RABGAP1L: variants seen among roughly 807,000 people sequenced by gnomAD.
RABGAP1L encodes the protein RAB GTPase activating protein 1 like, also known as rab GTPase-activating protein 1-like.
A neutral mutation model predicts 137.7 loss-of-function variants in RABGAP1L; 63 were observed. The observed-to-expected ratio is 0.46, with a 90% CI of 0.37 to 0.56. RABGAP1L has a LOEUF of 0.56. Ranked by LOEUF, RABGAP1L falls within the 20% of genes least tolerant of loss-of-function variation. The pLI, the probability that RABGAP1L is intolerant of heterozygous loss-of-function variation, is 0.00. For missense variants in RABGAP1L, 1,095 were observed against 1,244.0 expected, an observed-to-expected ratio of 0.88 and a Z score of 1.80; for synonymous variants, 431 against 433.7, an observed-to-expected ratio of 0.99 and a Z score of 0.08.
chr1:174,193,476 G>A (rs1194274159), intron 1 of RABGAP1L, among the ~76,000 whole-genome samples: 1 of 152,016 alleles, frequency 6.6e-6, no homozygotes, highest in Non-Finnish European at 1.5e-5. Context: ...AGGTTGCAGT[G>A]AGTCGAGATC....
rs988437852 is a variant in RABGAP1L, at chr1:174,319,516, A to G, written c.1465+14389A>G. The stretch of plus-strand genomic sequence containing the variant: ...AGACAGTTTTATTTCTTCCTTCTCA[A>G]TCTGCATAGCTTTCATTTTATTTTC... On this transcript the variant is annotated intron_variant, in intron 11 of 25. Transcript: ENST00000681986. 2.0e-5 allele frequency among the ~76,000 whole-genome samples: 3 copies of G among 152,196 alleles called. 1 individual carries two copies. Among genetic ancestry groups the G allele is most frequent in the South Asian group, 4.2e-4 (2 of 4,810 alleles).
At chr1:174,470,822 A>C (rs1008951843) in intron 13 of RABGAP1L, among the ~76,000 whole-genome samples, 6 of 152,182 alleles carry the variant, frequency 3.9e-5, no homozygotes, top group African/African-American at 1.4e-4. Context: ...GTTAGAGAAC[A>C]GACCATACCA....
intron 14 of RABGAP1L, among the ~76,000 whole-genome samples, chr1:174,681,383 C>G (rs923536312): frequency 2.0e-5 from 3 of 152,078 alleles, no homozygotes; most frequent in African/African-American, 7.2e-5. Flanking sequence ...AATGAACTAC[C>G]GATGCACACA....
At chr1:174,420,537 G>A (rs1268639359) in intron 13 of RABGAP1L, among the ~76,000 whole-genome samples, 1 of 152,046 alleles carries the variant, frequency 6.6e-6, no homozygotes, top group South Asian at 2.1e-4. Flanking sequence ...CTTTTTAAAT[G>A]ACATTCATCA....
chr1:174,496,792 T>C lies in RABGAP1L; in HGVS notation c.1710+102647T>C, dbSNP rs183977576. On this transcript the variant is annotated intron_variant, in intron 13 of 25. Coordinates refer to ENST00000681986, the MANE Select transcript of RABGAP1L (RefSeq NM_001366446.1). ...AGAGTAGAGAGATTCCTTAAAGAAG[T>C]TGGACTTTTTATGGAAAGATTGTTT... 2.6e-5 allele frequency among the ~76,000 whole-genome samples: 4 copies of C among 152,230 alleles called. No homozygotes were observed. The South Asian group carries it at 8.3e-4, about 32-fold the overall frequency.
At chr1:174,681,952 G>A (rs1678094781) in intron 14 of RABGAP1L, among the ~76,000 whole-genome samples, 1 of 152,088 alleles carries the variant, frequency 6.6e-6, no homozygotes, top group African/African-American at 2.4e-5. Context: ...TACATATCCT[G>A]GATTTCAGTA....
intron 19 of RABGAP1L, among the ~76,000 whole-genome samples, chr1:174,838,942 A>T (rs1014241460): frequency 1.6e-4 from 23 of 147,498 alleles, no homozygotes; most frequent in Middle Eastern, 3.5e-3. Context: ...AAAAAAAAAA[A>T]AAAAAAAAAA....
intron 13 of RABGAP1L, among the ~76,000 whole-genome samples, chr1:174,474,883 G>A (rs184669504): frequency 2.0e-5 from 3 of 152,214 alleles, no homozygotes; most frequent in East Asian, 1.9e-4. Context: ...TTACAGGCGT[G>A]AGCCACTGCG....
In RABGAP1L at chr1:174,383,235, G is replaced by C. The variant is rs564771681; in HGVS notation, c.1560-10760G>C. 2.7e-5 allele frequency among the ~76,000 whole-genome samples: 4 copies of C among 150,316 alleles called. No individual in the cohort carries two copies. In the South Asian group the frequency reaches 8.5e-4, roughly 32 times the overall value. On this transcript the variant is annotated intron_variant, in intron 12 of 25. Coordinates refer to ENST00000681986, the MANE Select transcript of RABGAP1L (RefSeq NM_001366446.1). ...ATTTAAGTCTGCAGAGGTTACTGCT[G>C]TCTTTTTGTTTGTCTGTGCCCTGCC... is the stretch of plus-strand genomic sequence containing the variant.
At chr1:174,542,100 G>C (rs1218937977) in intron 13 of RABGAP1L, among the ~76,000 whole-genome samples, 1 of 152,266 alleles carries the variant, frequency 6.6e-6, no homozygotes, top group Non-Finnish European at 1.5e-5. Context: ...GGATGATGCT[G>C]GCCTCATAAA....
chr1:174,551,019 T>TACACAC (rs200554387), intron 13 of RABGAP1L, among the ~76,000 whole-genome samples: 8 of 116,006 alleles, frequency 6.9e-5, no homozygotes, highest in East Asian at 2.2e-4. Flanking sequence ...TATATATATA[T>TACACAC]ATACATACAC....
intron 13 of RABGAP1L, among the ~76,000 whole-genome samples, chr1:174,580,744 A>G (rs1668683105): frequency 6.6e-6 from 1 of 152,208 alleles, no homozygotes; most frequent in African/African-American, 2.4e-5. Flanking sequence ...ACTAACCTGC[A>G]TGTTGTGCAC....
At chr1:174,988,574 A>G in intron 24 of RABGAP1L, 67 bp from the exon 25 acceptor site, 2 of 1,316,028 alleles carry the variant, frequency 1.5e-6, no homozygotes, top group Non-Finnish European at 1.0e-6. Flanking sequence ...AAAGTCATAA[A>G]TTGTTTCAGA....
At chr1:174,815,156 T>A (rs1352878856) in intron 19 of RABGAP1L, among the ~76,000 whole-genome samples, 1 of 152,220 alleles carries the variant, frequency 6.6e-6, no homozygotes, top group Non-Finnish European at 1.5e-5. Flanking sequence ...TTCCCCACTC[T>A]GATCTGCCAC....
At chr1:174,356,215 GT>G (rs772563581) in intron 11 of RABGAP1L, among the ~76,000 whole-genome samples, 28 of 151,942 alleles carry the variant, frequency 1.8e-4, no homozygotes, top group African/African-American at 6.8e-4. Context: ...AAGGTTTTGG[GT>G]TTTTTTCCCC....
chr1:174,434,389 G>A (rs1267705307), intron 13 of RABGAP1L, among the ~76,000 whole-genome samples: 1 of 152,064 alleles, frequency 6.6e-6, no homozygotes, highest in Non-Finnish European at 1.5e-5. Flanking sequence ...ATGTGCGTGG[G>A]CTGTTTCTGG....
intron 12 of RABGAP1L, among the ~76,000 whole-genome samples, chr1:174,384,438 G>T (rs992782889): frequency 6.8e-6 from 1 of 147,086 alleles, no homozygotes; most frequent in Admixed American, 6.8e-5. Flanking sequence ...TTAAATAAAT[G>T]ACAAAAAAGA....
chr1:174,518,996 G>C (rs534864009), intron 13 of RABGAP1L, among the ~76,000 whole-genome samples: 1 of 152,032 alleles, frequency 6.6e-6, no homozygotes, highest in South Asian at 2.1e-4. Flanking sequence ...AAATGGTTCA[G>C]TATAATTTTT....
intron 12 of RABGAP1L, among the ~76,000 whole-genome samples, chr1:174,389,337 C>T (rs1392257207): frequency 1.3e-5 from 2 of 151,054 alleles, no homozygotes; most frequent in Non-Finnish European, 3.0e-5. Context: ...GTCATATTCT[C>T]ATATCTCATA....
Sources: gnomAD v4.1 joint callset for allele counts (sites outside exome capture counted in the v4.1 genomes callset) on GRCh38, gnomAD v4.1.1 for gene constraint, MANE v1.5 for transcripts, NCBI Gene and HGNC (gene_info 2026-07-23, HGNC 2026-07-21) for gene names.